Variants in NAV1 observed in about 807,000 individuals in gnomAD.
NAV1 encodes the protein neuron navigator 1.
In NAV1, 18 loss-of-function variants were observed where a neutral mutation model predicts 175.2. The observed-to-expected ratio is 0.10, with a 90% CI of 0.07 to 0.15. The LOEUF (loss-of-function observed/expected upper bound fraction) is 0.15. Ranked by LOEUF, NAV1 falls within the 10% of genes least tolerant of loss-of-function variation. The probability of loss-of-function intolerance (pLI) is 1.00; values close to 1 mark genes in which losing one functional copy is unlikely to be tolerated. For missense variants in NAV1, 1,731 were observed against 2,436.6 expected (o/e 0.71, Z 6.10); for synonymous variants, 897 against 978.7 (o/e 0.92, Z 1.56).
intron 8 of NAV1, 70 bp from the exon 13 acceptor site, chr1:201,786,359 C>T (rs1676747087): frequency 5.4e-6 from 8 of 1,492,700 alleles, no homozygotes; most frequent in Admixed American, 1.8e-5. Flanking sequence ...GTTCAGACAC[C>T]CTCCGCACCA....
At chr1:201,725,898 A>C (rs966727725) in intron 3 of NAV1, among the ~76,000 whole-genome samples, 4 of 152,230 alleles carry the variant, frequency 2.6e-5, no homozygotes, top group Admixed American at 2.6e-4. Flanking sequence ...TTGAGGTTGC[A>C]GTGAGCTATG....
intron 1 of NAV1, among the ~76,000 whole-genome samples, chr1:201,690,673 C>T (rs1474335093): frequency 6.9e-6 from 1 of 144,194 alleles, no homozygotes; most frequent in Non-Finnish European, 1.5e-5. Flanking sequence ...CTATTTCCTC[C>T]GTGGCCTGTC....
intron 1 of NAV1, among the ~76,000 whole-genome samples, chr1:201,702,580 G>A (rs186344234): frequency 1.3e-5 from 2 of 152,054 alleles, no homozygotes; most frequent in African/African-American, 4.8e-5. Flanking sequence ...ATGTTGGTCA[G>A]GCTGGTCTTG....
At chr1:201,653,719 G>C (rs1159081881) in intron 1 of NAV1, among the ~76,000 whole-genome samples, 1 of 152,160 alleles carries the variant, frequency 6.6e-6, no homozygotes, top group Non-Finnish European at 1.5e-5. Flanking sequence ...CTGAGGCCTA[G>C]CAGGAGAGTG....
At chr1:201,651,474 T>A (rs1391554669) in intron 1 of NAV1, among the ~76,000 whole-genome samples, 1 of 152,120 alleles carries the variant, frequency 6.6e-6, no homozygotes, top group Non-Finnish European at 1.5e-5. Context: ...TGGTCCCTTA[T>A]TCCTGCTTAG....
intron 1 of NAV1, among the ~76,000 whole-genome samples, chr1:201,550,038 C>G (rs1315452756): frequency 2.1e-5 from 3 of 144,862 alleles, no homozygotes; most frequent in Non-Finnish European, 3.0e-5. Flanking sequence ...AAAAAAAAGA[C>G]CTGGGTGCCC....
intron 1 of NAV1, among the ~76,000 whole-genome samples, chr1:201,585,873 G>A (rs138836815): frequency 6.6e-6 from 1 of 152,192 alleles, no homozygotes; most frequent in South Asian, 2.1e-4. Flanking sequence ...TGATAGGAAT[G>A]TAAATTGGTG....
chr1:201,603,331 ACT>A (rs1289605069), intron 2 of NAV1, among the ~76,000 whole-genome samples: 1 of 152,040 alleles, frequency 6.6e-6, no homozygotes, highest in African/African-American at 2.4e-5. Flanking sequence ...TGACTTGGTG[ACT>A]CTCATGTTCT....
intron 1 of NAV1, among the ~76,000 whole-genome samples, chr1:201,546,031 C>A (rs763389675): frequency 1.3e-5 from 2 of 152,164 alleles, no homozygotes; most frequent in Non-Finnish European, 2.9e-5. Flanking sequence ...CTGGGTAATG[C>A]CAAGATACCA....
At chr1:201,607,287 T>C (rs1667712995) in intron 2 of NAV1, among the ~76,000 whole-genome samples, 1 of 151,722 alleles carries the variant, frequency 6.6e-6, no homozygotes, top group Non-Finnish European at 1.5e-5. Context: ...AGCTAATTTT[T>C]GTATTTTTGT....
intron 3 of NAV1, among the ~76,000 whole-genome samples, chr1:201,752,785 T>C (rs1674203525): frequency 6.6e-6 from 1 of 152,180 alleles, no homozygotes; most frequent in Non-Finnish European, 1.5e-5. Flanking sequence ...GTGTTCAGAA[T>C]ATTTGTCTGC....
chr1:201,721,791 T>C (rs1029958140), intron 3 of NAV1, among the ~76,000 whole-genome samples: 2 of 152,134 alleles, frequency 1.3e-5, no homozygotes, highest in Non-Finnish European at 2.9e-5. Context: ...CATAATCGGC[T>C]CCAAGCTATC....
At chr1:201,774,227 T>G (rs1213462381) in intron 3 of NAV1, among the ~76,000 whole-genome samples, 4 of 152,204 alleles carry the variant, frequency 2.6e-5, no homozygotes, top group Non-Finnish European at 5.9e-5. Context: ...AAGAAATTCT[T>G]TCTGCCAAAC....
At chr1:201,545,765 C>G (rs59505757) in intron 1 of NAV1, among the ~76,000 whole-genome samples, 3,421 of 152,284 alleles carry the variant, frequency 0.022, 120 homozygotes, top group African/African-American at 0.078. Flanking sequence ...TAGATTGCCC[C>G]TGAAAACCAG....
intron 13 of NAV1, chr1:201,791,070 G>T (rs547061010): frequency 2.4e-5 from 8 of 334,262 alleles, no homozygotes; most frequent in Non-Finnish European, 4.4e-5. Context: ...TCTGCATGGA[G>T]GCAGAAACAA....
At chr1:201,615,267 C>CTTTCTTTCTTTCT (rs1553244260) in intron 2 of NAV1, among the ~76,000 whole-genome samples, 1 of 141,974 alleles carries the variant, frequency 7.0e-6, no homozygotes, top group Non-Finnish European at 1.5e-5. Context: ...TTCTTTCTTT[C>CTTTCTTTCTTTCT]TTTTTTTTTT....
At chr1:201,574,393 G>A (rs558888105) in intron 1 of NAV1, among the ~76,000 whole-genome samples, 68 of 152,156 alleles carry the variant, frequency 4.5e-4, no homozygotes, top group African/African-American at 1.6e-3. Flanking sequence ...GGTTTGGGTC[G>A]AGTGGTTGTT....
chr1:201,566,577 C>A (rs753533159), intron 1 of NAV1, among the ~76,000 whole-genome samples: 11 of 152,130 alleles, frequency 7.2e-5, no homozygotes, highest in Admixed American at 2.6e-4. Flanking sequence ...CTCTCCCTGC[C>A]CACTCACAAC....
chr1:201,626,548 C>T (rs189470487), intron 1 of NAV1, among the ~76,000 whole-genome samples: 12 of 152,298 alleles, frequency 7.9e-5, no homozygotes, highest in Admixed American at 5.2e-4. Context: ...ATCCCCTGTC[C>T]GCTCTCAGGA....
Sources: allele counts gnomAD v4.1 joint callset (sites outside exome capture counted in the v4.1 genomes callset), GRCh38; gene constraint gnomAD v4.1.1; transcripts MANE v1.5; gene names NCBI Gene and HGNC (gene_info 2026-07-23, HGNC 2026-07-21).